SEM1: variants seen among roughly 807,000 people sequenced by gnomAD.
SEM1 encodes SEM1 26S proteasome subunit, also known as 26S proteasome complex subunit SEM1.
In SEM1, 3 loss-of-function variants were observed where a neutral mutation model predicts 12.7. The observed-to-expected ratio is 0.24, with a 90% CI of 0.11 to 0.61. The LOEUF (loss-of-function observed/expected upper bound fraction) is 0.61, where lower values mean the gene tolerates loss of function less well. Ranked by LOEUF, SEM1 falls within the 20% of genes least tolerant of loss-of-function variation. The probability of loss-of-function intolerance (pLI) is 0.88; values close to 1 mark genes in which losing one functional copy is unlikely to be tolerated. For missense variants in SEM1, 59 were observed against 81.3 expected (o/e 0.73, Z 1.06); for synonymous variants, 30 against 27.8 (o/e 1.08, Z -0.25).
At chr7:96,592,997 A>AT (rs202195595) in intron 2 of SEM1, among the ~76,000 whole-genome samples, 5,790 of 108,086 alleles carry the variant, frequency 0.054, 508 homozygotes, top group African/African-American at 0.19. Context: ...ATTCTCCCAT[A>AT]TTAAAAAAAA....
chr7:96,615,239 A>ATTTTTTT (rs1421596853), intron 2 of SEM1, among the ~76,000 whole-genome samples: 3,557 of 97,298 alleles, frequency 0.037, 634 homozygotes, highest in Middle Eastern at 0.047. Flanking sequence ...TTTTTGAGTC[A>ATTTTTTT]TCTTTTTTTT....
downstream of SEM1, among the ~76,000 whole-genome samples, chr7:96,687,104 T>C (rs1789782285): frequency 1.3e-5 from 2 of 152,258 alleles, no homozygotes; most frequent in South Asian, 4.1e-4. Flanking sequence ...TCACACCAGT[T>C]AGAATGGCAA....
At chr7:96,521,114 C>G (rs1804254837) in intron 2 of SEM1, among the ~76,000 whole-genome samples, 1 of 152,126 alleles carries the variant, frequency 6.6e-6, no homozygotes, top group African/African-American at 2.4e-5. Flanking sequence ...CAGAGCATCT[C>G]TATGATTTTC....
At chr7:96,670,450 T>C (rs1022998193), downstream of SEM1, among the ~76,000 whole-genome samples, 2 of 152,128 alleles carry the variant, frequency 1.3e-5, no homozygotes, top group Non-Finnish European at 2.9e-5. Context: ...GTTGATAGCA[T>C]ATGTGATTAA....
downstream of SEM1, chr7:96,622,390 A>C (rs1249124368): frequency 3.9e-6 from 2 of 509,638 alleles, no homozygotes; most frequent in Non-Finnish European, 7.0e-6. Context: ...ATGATGAGAA[A>C]AATTTCTCTT....
chr7:96,534,036 T>C (rs1804717218), intron 2 of SEM1, among the ~76,000 whole-genome samples: 1 of 152,056 alleles, frequency 6.6e-6, no homozygotes, highest in South Asian at 2.1e-4. Flanking sequence ...TCAAGTACAA[T>C]ATACATCTAT....
At chr7:96,677,180 C>T (rs988266684) in intron 2 of SEM1, among the ~76,000 whole-genome samples, 1 of 152,174 alleles carries the variant, frequency 6.6e-6, no homozygotes, top group African/African-American at 2.4e-5. Context: ...GATGACAGTG[C>T]TTCACAGCCC....
upstream of SEM1, among the ~76,000 whole-genome samples, chr7:96,497,920 C>A (rs1186427213): frequency 1.3e-5 from 2 of 152,054 alleles, no homozygotes; most frequent in Non-Finnish European, 2.9e-5. Flanking sequence ...AGAGAAAACA[C>A]AAGCCTGATG....
intron 2 of SEM1, among the ~76,000 whole-genome samples, chr7:96,517,558 C>G (rs1044402186): frequency 7.9e-5 from 12 of 152,072 alleles, no homozygotes; most frequent in Admixed American, 6.6e-5. Flanking sequence ...TCTATAATCA[C>G]TAGCGAGATG....
At chr7:96,708,268 A>G (rs1327347580) in intron 1 of SEM1, 2 of 152,192 alleles carry the variant, frequency 1.3e-5, no homozygotes, top group Non-Finnish European at 2.9e-5. Context: ...AAAAACTAAG[A>G]ATGCCTACAA....
At chr7:96,616,054 T>C (rs1258227937) in intron 2 of SEM1, among the ~76,000 whole-genome samples, 1 of 152,328 alleles carries the variant, frequency 6.6e-6, no homozygotes, top group African/African-American at 2.4e-5. Context: ...ATTGAGTATA[T>C]ACCTAGTAGT....
intron 2 of SEM1, among the ~76,000 whole-genome samples, chr7:96,529,903 G>A (rs1056374333): frequency 2.0e-5 from 3 of 152,120 alleles, no homozygotes; most frequent in Non-Finnish European, 4.4e-5. Flanking sequence ...TTACAGTAGA[G>A]GAGCTCTGGG....
chr7:96,483,133 G>A (rs1324288223), exon 4 of SEM1: 5 of 151,976 alleles, frequency 3.3e-5, no homozygotes, highest in African/African-American at 1.2e-4. Context: ...TACTTCATAG[G>A]CATTATGTCA....
At chr7:96,689,606 T>C (rs1789864929) in intron 2 of SEM1, among the ~76,000 whole-genome samples, 1 of 152,218 alleles carries the variant, frequency 6.6e-6, no homozygotes, top group South Asian at 2.1e-4. Context: ...TCAAGTAAAT[T>C]TGGCTTAGAC....
intron 1 of SEM1, chr7:96,496,228 T>C: frequency 9.2e-7 from 1 of 1,088,176 alleles, no homozygotes. Flanking sequence ...CTAACTCATG[T>C]AGAGGATTAT....
chr7:96,689,765 A>G (rs192053340), intron 2 of SEM1, among the ~76,000 whole-genome samples: 1 of 152,346 alleles, frequency 6.6e-6, no homozygotes, highest in African/African-American at 2.4e-5. Flanking sequence ...TCAAGGCCAC[A>G]GATTGTTCAA....
At chr7:96,650,544 T>G in intron 2 of SEM1, 2 of 742,310 alleles carry the variant, frequency 2.7e-6, no homozygotes, top group Non-Finnish European at 4.9e-6. Flanking sequence ...GAGAGAAAGA[T>G]AAGAAATTCT....
At chr7:96,592,562 C>A (rs1400555235) in intron 2 of SEM1, among the ~76,000 whole-genome samples, 1 of 151,554 alleles carries the variant, frequency 6.6e-6, no homozygotes, top group Non-Finnish European at 1.5e-5. Context: ...TCAGCAGCAC[C>A]ATGACACCGG....
At chr7:96,555,853 G>T (rs1416940504) in intron 2 of SEM1, among the ~76,000 whole-genome samples, 1 of 149,564 alleles carries the variant, frequency 6.7e-6, no homozygotes, top group Non-Finnish European at 1.5e-5. Context: ...CTCAGGACTT[G>T]CTTTATGAAT....
Sources: gnomAD v4.1 joint callset for allele counts (sites outside exome capture counted in the v4.1 genomes callset) on GRCh38, gnomAD v4.1.1 for gene constraint, MANE v1.5 for transcripts, NCBI Gene and HGNC (gene_info 2026-07-23, HGNC 2026-07-21) for gene names.